The following KLHL1 variants were observed in gnomAD, a reference collection of about 807,000 sequenced individuals.
The protein encoded by KLHL1 is kelch-like protein 1.
KLHL1 carries 47 observed loss-of-function variants against 77.7 expected under a neutral mutation model. That is an observed-to-expected ratio of 0.60 (90% CI 0.48 to 0.77). The LOEUF is 0.77. KLHL1 is among the 30% of genes least tolerant of loss of function. The probability of loss-of-function intolerance (pLI) is 0.00; values close to 1 mark genes in which losing one functional copy is unlikely to be tolerated. For missense variants in KLHL1, 925 were observed against 910.8 expected (o/e 1.02, Z -0.20); for synonymous variants, 360 against 325.2 (o/e 1.11, Z -1.15).
chr13:70,008,923 A>G (rs532955048), intron 1 of KLHL1, among the ~76,000 whole-genome samples: 1 of 152,264 alleles, frequency 6.6e-6, no homozygotes, highest in South Asian at 2.1e-4. Context: ...TTCTTGTCAC[A>G]ATACAATGCA....
chr13:69,709,210 T>C (rs1411333), intron 9 of KLHL1, among the ~76,000 whole-genome samples: 150,091 of 152,128 alleles, frequency 0.99, 74,074 homozygotes, highest in East Asian at 1. Flanking sequence ...CACAGATAGA[T>C]GCAGACATAC....
intron 1 of KLHL1, among the ~76,000 whole-genome samples, chr13:70,026,212 A>G (rs1885935827): frequency 6.6e-6 from 1 of 152,134 alleles, no homozygotes; most frequent in African/African-American, 2.4e-5. Flanking sequence ...ATTTAAAACA[A>G]TCACAAATCA....
At chr13:69,940,284 T>G in intron 3 of KLHL1, 48 bp from the exon 4 acceptor site, 1 of 1,415,664 alleles carries the variant, frequency 7.1e-7, no homozygotes, top group Non-Finnish European at 9.6e-7. Flanking sequence ...AAACATGAAA[T>G]AATATGTATC....
At chr13:69,719,183 C>CGTGTGTGTGTGT (rs761517378) in intron 9 of KLHL1, among the ~76,000 whole-genome samples, 186 bp downstream of exon 9, 128 of 103,828 alleles carry the variant, frequency 1.2e-3, no homozygotes, top group Middle Eastern at 0.011. Flanking sequence ...AAAGAAAGTA[C>CGTGTGTGTGTGT]GTGTGTGTGT....
chr13:69,798,546 C>T (rs1273271875), intron 6 of KLHL1, among the ~76,000 whole-genome samples: 1 of 151,804 alleles, frequency 6.6e-6, no homozygotes, highest in African/African-American at 2.4e-5. Flanking sequence ...AAATAAATTG[C>T]AATGTTCACA....
intron 6 of KLHL1, among the ~76,000 whole-genome samples, chr13:69,827,096 AAC>A (rs1272378603): frequency 6.6e-6 from 1 of 151,702 alleles, no homozygotes; most frequent in African/African-American, 2.4e-5. Context: ...AGATTTTGAA[AAC>A]ATGTTATTAA....
intron 7 of KLHL1, among the ~76,000 whole-genome samples, chr13:69,771,015 G>T (rs1399015693): frequency 6.6e-6 from 1 of 152,136 alleles, no homozygotes; most frequent in Non-Finnish European, 1.5e-5. Flanking sequence ...AGTGTTCTTT[G>T]GGAGCTGTGA....
intron 4 of KLHL1, among the ~76,000 whole-genome samples, chr13:69,908,696 T>C (rs1298375625): frequency 6.6e-6 from 1 of 151,666 alleles, no homozygotes; most frequent in African/African-American, 2.4e-5. Context: ...CCATAGCTTA[T>C]GTAGACATCA....
chr13:69,727,489 A>T (rs1288094212), intron 8 of KLHL1, among the ~76,000 whole-genome samples: 1 of 152,136 alleles, frequency 6.6e-6, no homozygotes, highest in Non-Finnish European at 1.5e-5. Context: ...TGGACAATCT[A>T]GGTAGGTTCA....
chr13:69,867,339 T>C (rs933932541), intron 5 of KLHL1, among the ~76,000 whole-genome samples: 1 of 152,068 alleles, frequency 6.6e-6, no homozygotes, highest in Non-Finnish European at 1.5e-5. Flanking sequence ...CCCTCTCTTC[T>C]AATTTTACTT....
chr13:69,777,633 T>C (rs192174719), intron 7 of KLHL1, among the ~76,000 whole-genome samples: 13 of 152,312 alleles, frequency 8.5e-5, no homozygotes, highest in African/African-American at 3.1e-4. Context: ...CTTTTTTGGC[T>C]GAAATGTAAT....
chr13:70,008,516 T>C (rs1388932263), intron 1 of KLHL1, among the ~76,000 whole-genome samples: 1 of 152,112 alleles, frequency 6.6e-6, no homozygotes, highest in Admixed American at 6.6e-5. Context: ...ATGCATGTTT[T>C]TAACCATTTG....
intron 1 of KLHL1, among the ~76,000 whole-genome samples, chr13:70,067,642 C>T (rs1887041054): frequency 6.6e-6 from 1 of 151,960 alleles, no homozygotes; most frequent in South Asian, 2.1e-4. Context: ...TTGACAACAA[C>T]AACAACAACA....
chr13:69,779,252 A>G, intron 7 of KLHL1, among the ~76,000 whole-genome samples: 1 of 152,192 alleles, frequency 6.6e-6, no homozygotes, highest in East Asian at 1.9e-4. Flanking sequence ...CAGAAGACCA[A>G]GTATATAATG....
At chr13:69,889,942 A>T (rs971683846) in intron 4 of KLHL1, among the ~76,000 whole-genome samples, 1 of 151,990 alleles carries the variant, frequency 6.6e-6, no homozygotes. Context: ...GGCTACATTA[A>T]CATTACTTTA....
chr13:69,774,370 ATAT>A (rs1875722203), intron 7 of KLHL1, among the ~76,000 whole-genome samples: 1 of 149,214 alleles, frequency 6.7e-6, no homozygotes, highest in African/African-American at 2.6e-5. Flanking sequence ...AAACTTTAAT[ATAT>A]TATATTTTTG....
intron 1 of KLHL1, among the ~76,000 whole-genome samples, chr13:70,088,294 G>C (rs914146575): frequency 1.6e-4 from 24 of 152,104 alleles, no homozygotes; most frequent in Admixed American, 1.3e-3. Flanking sequence ...TCAATCAACA[G>C]ATGTGTAAAG....
At chr13:69,871,458 T>A (rs565883735) in intron 5 of KLHL1, among the ~76,000 whole-genome samples, 1 of 152,310 alleles carries the variant, frequency 6.6e-6, no homozygotes. Flanking sequence ...ACAGCATCCT[T>A]GGATTCTTCT....
intron 4 of KLHL1, among the ~76,000 whole-genome samples, chr13:69,903,901 A>G (rs1184124930): frequency 6.6e-6 from 1 of 151,628 alleles, no homozygotes; most frequent in Non-Finnish European, 1.5e-5. Context: ...CGGCCTCCCC[A>G]AGTGCTGGGA....
Sources: allele counts gnomAD v4.1 joint callset (sites outside exome capture counted in the v4.1 genomes callset), GRCh38; gene constraint gnomAD v4.1.1; transcripts MANE v1.5; gene names NCBI Gene and HGNC (gene_info 2026-07-23, HGNC 2026-07-21).